KIAA0232: variants seen among roughly 807,000 people sequenced by gnomAD.
KIAA0232 encodes the protein uncharacterized protein KIAA0232.
Under a neutral mutation model 122.0 loss-of-function variants are expected in KIAA0232, and 27 were observed. The ratio of observed to expected loss-of-function variants is 0.22; its 90% CI spans 0.16 to 0.31. The LOEUF (loss-of-function observed/expected upper bound fraction) is 0.31. Among genes scored for constraint, KIAA0232 ranks in the 10% least tolerant of loss-of-function variants. The pLI is 1.00. For missense variants in KIAA0232, 1,551 were observed against 1,634.2 expected (o/e 0.95, Z 0.88); for synonymous variants, 613 against 587.6 (o/e 1.04, Z -0.63).
chr4:6,872,312 A>G (rs1010951556), intron 8 of KIAA0232, among the ~76,000 whole-genome samples: 7 of 152,252 alleles, frequency 4.6e-5, no homozygotes, highest in Non-Finnish European at 1.0e-4. Context: ...GGACTGAGGC[A>G]ATCAAAGCGG....
At chr4:6,805,301 T>C (rs566099672) in intron 2 of KIAA0232, among the ~76,000 whole-genome samples, 2 of 152,354 alleles carry the variant, frequency 1.3e-5, no homozygotes, top group Admixed American at 1.3e-4. Context: ...CTGAGTTCTC[T>C]AGTGTGTATC....
chr4:6,877,579 C>G (rs1444666802), intron 9 of KIAA0232, among the ~76,000 whole-genome samples: 1 of 152,070 alleles, frequency 6.6e-6, no homozygotes, highest in Non-Finnish European at 1.5e-5. Flanking sequence ...AGAGCCAGTC[C>G]CAGTCCCAGT....
At chr4:6,834,776 T>A (rs1350912072) in intron 3 of KIAA0232, among the ~76,000 whole-genome samples, 1 of 152,186 alleles carries the variant, frequency 6.6e-6, no homozygotes, top group Non-Finnish European at 1.5e-5. Flanking sequence ...TAAAAATCTT[T>A]TGATGGTACA....
At position 6,861,856 on chromosome 4, in the gene KIAA0232, C is replaced by A. The variant is rs753076191; in HGVS notation, c.1474C>A (p.Pro492Thr). 6.2e-7 allele frequency: 1 copy of A among 1,613,804 alleles called. No individual in the cohort carries two copies. Among genetic ancestry groups the A allele is most frequent in the South Asian group, 1.1e-5 (1 of 91,048 alleles). Residue 492 changes from proline to threonine, a missense_variant, in exon 7 of 10, where the codon CCA (proline) becomes ACA (threonine). Transcript: ENST00000307659. The stretch of plus-strand genomic sequence containing the variant: ...CACTGGGACCTCATTATGTTCTCTA[C>A]CAGAGGACAATAAATACCTGGATGA... ...DLTGTSLCSL[P>T]EDNKYLDDIH...
intron 2 of KIAA0232, among the ~76,000 whole-genome samples, chr4:6,816,503 C>T (rs1183048345): frequency 6.6e-6 from 1 of 152,018 alleles, no homozygotes; most frequent in Non-Finnish European, 1.5e-5. Flanking sequence ...AGGATGGTAT[C>T]GATCTCCTGA....
At chr4:6,870,646 T>C in intron 7 of KIAA0232, among the ~76,000 whole-genome samples, 1 of 151,820 alleles carries the variant, frequency 6.6e-6, no homozygotes, top group African/African-American at 2.4e-5. Context: ...CTACTAAAAA[T>C]ACAAAAATTA....
At chr4:6,836,257 T>TATGGCTCAAAAA (rs1162827671) in intron 3 of KIAA0232, among the ~76,000 whole-genome samples, 2 of 152,164 alleles carry the variant, frequency 1.3e-5, no homozygotes, top group Admixed American at 6.5e-5. Context: ...GTTGGCTGCA[T>TATGGCTCAAAAA]AAATGTCTTC....
At chr4:6,878,162 G>A (rs1721851123) in intron 9 of KIAA0232, among the ~76,000 whole-genome samples, 4 of 152,164 alleles carry the variant, frequency 2.6e-5, no homozygotes, top group Admixed American at 2.6e-4. Context: ...ATCACCTGAG[G>A]TCAGGAGTTC....
chr4:6,850,624 A>G (rs1488226973), intron 4 of KIAA0232, among the ~76,000 whole-genome samples: 3 of 151,440 alleles, frequency 2.0e-5, no homozygotes, highest in Non-Finnish European at 4.4e-5. Flanking sequence ...GGGCCTTTCA[A>G]TTGCTTCTCA....
intron 3 of KIAA0232, among the ~76,000 whole-genome samples, chr4:6,838,035 C>CA (rs1190308755): frequency 6.6e-6 from 1 of 152,042 alleles, no homozygotes; most frequent in East Asian, 1.9e-4. Context: ...GGATAGATTG[C>CA]AAAAATTTAC....
chr4:6,861,389 T>C lies in KIAA0232; in HGVS notation c.1007T>C (p.Leu336Ser). Residue 336 changes from leucine (L) to serine (S), a missense_variant, in exon 7 of 10, where the codon TTG (leucine) becomes TCG (serine). By Grantham distance (145) the Leu-to-Ser change is moderately radical. Transcript: ENST00000307659. ...KGRNGQSRLS[L>S]KHGEKAERNI... The stretch of plus-strand genomic sequence containing the variant: ...CGGAATGGGCAAAGCAGGCTTTCTT[T>C]GAAGCACGGTGAAAAGGCTGAAAGG... 1 of 1,614,206 alleles carries C rather than the reference T, an allele frequency of 6.2e-7. No homozygotes were observed. Among genetic ancestry groups the C allele is most frequent in the South Asian group, 1.1e-5 (1 of 91,090 alleles).
chr4:6,848,844 C>G (rs576317856), intron 4 of KIAA0232, among the ~76,000 whole-genome samples: 7 of 152,260 alleles, frequency 4.6e-5, no homozygotes, highest in African/African-American at 1.4e-4. Flanking sequence ...AGACCAGAAC[C>G]CCCTGGGAAG....
At chr4:6,860,586 T>G (rs1264450737) in intron 6 of KIAA0232, among the ~76,000 whole-genome samples, 1 of 151,812 alleles carries the variant, frequency 6.6e-6, no homozygotes. Context: ...ACTGCATTCT[T>G]TCTTCTACTA....
intron 2 of KIAA0232, among the ~76,000 whole-genome samples, chr4:6,817,288 G>A (rs925381872): frequency 1.3e-5 from 2 of 151,980 alleles, no homozygotes; most frequent in African/African-American, 2.4e-5. Context: ...ATCTCGACTC[G>A]CTGCAGCCGC....
intron 3 of KIAA0232, among the ~76,000 whole-genome samples, chr4:6,830,219 A>G (rs1437411010): frequency 1.3e-5 from 2 of 152,074 alleles, no homozygotes; most frequent in Non-Finnish European, 2.9e-5. Context: ...TTTGTATTTC[A>G]TAAGTGGAGA....
At chr4:6,837,373 G>A (rs1290053209) in intron 3 of KIAA0232, among the ~76,000 whole-genome samples, 3 of 150,194 alleles carry the variant, frequency 2.0e-5, no homozygotes, top group African/African-American at 7.4e-5. Flanking sequence ...GGGCAGAGAG[G>A]CTCCTCACTT....
chr4:6,818,442 T>C (rs1191483668), intron 2 of KIAA0232, among the ~76,000 whole-genome samples: 1 of 148,288 alleles, frequency 6.7e-6, no homozygotes, highest in Non-Finnish European at 1.5e-5. Context: ...GGACTGGCAG[T>C]AGTTCAGTGA....
At chr4:6,808,757 T>G (rs190314801) in intron 2 of KIAA0232, among the ~76,000 whole-genome samples, 1 of 152,248 alleles carries the variant, frequency 6.6e-6, no homozygotes, top group East Asian at 1.9e-4. Flanking sequence ...CTGCTAGTAT[T>G]ATGAATATCA....
intron 2 of KIAA0232, among the ~76,000 whole-genome samples, chr4:6,819,412 G>GA (rs1359678443): frequency 1.3e-5 from 2 of 151,386 alleles, no homozygotes; most frequent in African/African-American, 2.4e-5. Flanking sequence ...AGTTCAACAA[G>GA]AAAAAAAAGA....
Sources: gnomAD v4.1 joint callset for allele counts (sites outside exome capture counted in the v4.1 genomes callset) on GRCh38, gnomAD v4.1.1 for gene constraint, MANE v1.5 for transcripts, NCBI Gene and HGNC (gene_info 2026-07-23, HGNC 2026-07-21) for gene names.